HSDL1: variants seen among roughly 807,000 people sequenced by gnomAD.
The protein encoded by HSDL1 is hydroxysteroid dehydrogenase like 1, also known as inactive hydroxysteroid dehydrogenase-like protein 1.
A neutral mutation model predicts 31.5 loss-of-function variants in HSDL1; 29 were observed. The ratio of observed to expected loss-of-function variants is 0.92; its 90% CI spans 0.69 to 1.26. The LOEUF is 1.26. Among genes scored for constraint, HSDL1 ranks in the 50% most tolerant of loss-of-function variants. HSDL1 has a pLI of 0.00. For synonymous variants in HSDL1, 222 were observed against 155.2 expected (o/e 1.43, Z -3.20); for missense variants, 503 against 416.6 (o/e 1.21, Z -1.81).
At chr16:84,132,286 C>G (rs1305904709) in intron 2 of HSDL1, among the ~76,000 whole-genome samples, 1 of 152,124 alleles carries the variant, frequency 6.6e-6, no homozygotes, top group Non-Finnish European at 1.5e-5. Context: ...GGAGATGAAA[C>G]AGAGGTGGCA....
chr16:84,126,110 A>G (rs1048831347), intron 5 of HSDL1, among the ~76,000 whole-genome samples: 11 of 152,218 alleles, frequency 7.2e-5, no homozygotes, highest in African/African-American at 2.4e-4. Context: ...CTCAAAAAAA[A>G]AAAAAAAAAC....
rs147979250 is a variant in HSDL1 at position 84,130,311 on chromosome 16, G to A, written c.341C>T (p.Thr114Met). The change falls in exon 4 of 6, where the codon ACG (threonine) becomes ATG (methionine). Residue 114 changes from threonine to methionine, a missense_variant. By Grantham distance (81) the Thr-to-Met change is moderately conservative. Coordinates refer to ENST00000219439, the MANE Select transcript of HSDL1 (RefSeq NM_031463.5). ...TATAATATCAGTTTCCACTTTGTAC[G>A]TGTCGGCTATGTCTTTAGCAACAAC... ...LQVVAKDIAD[T>M]YKVETDIIVA... 6.9e-5 allele frequency: 111 copies of A among 1,614,052 alleles called. 1 individual carries two copies. The highest frequency in any genetic ancestry group is 3.3e-4 in the Middle Eastern group (2 of 6,084).
chr16:84,131,388 G>T (rs966318849), intron 2 of HSDL1, 61 bp from the exon 3 acceptor site: 40 of 1,186,276 alleles, frequency 3.4e-5, no homozygotes, highest in Non-Finnish European at 4.8e-5. Flanking sequence ...AACATACACA[G>T]TCTGAGTGAA....
At position 84,122,775 on chromosome 16, in the gene HSDL1, C is replaced by A. The variant is rs780026079; in HGVS notation, c.*1855G>T. ...ACCTAGAGAAGGTCTTGCTCTTCAT[C>A]TTTCACTGCAGCTATGGACAGCTCG... On this transcript the variant is annotated 3_prime_UTR_variant, in exon 6 of 6. Transcript: ENST00000219439. 1 of 152,248 alleles carries A rather than the reference C, an allele frequency of 6.6e-6. No homozygotes were observed. The highest frequency in any genetic ancestry group is 1.5e-5 in the Non-Finnish European group (1 of 68,050). The allele number at this position is 152,248 out of a possible 1,614,324, so 9.4% of individuals were successfully genotyped here.
intron 3 of HSDL1, 156 bp downstream of exon 3, chr16:84,130,946 T>A (rs1284088896): frequency 3.1e-6 from 2 of 650,532 alleles, no homozygotes; most frequent in Admixed American, 5.7e-5. Flanking sequence ...ATGAGAGCAG[T>A]AAGAAAATGA....
rs571194587 is a variant in HSDL1 at position 84,140,190 on chromosome 16, G to A, written c.-68-4585C>T. On this transcript the variant is annotated intron_variant, in intron 1 of 5. Transcript: ENST00000219439. The stretch of plus-strand genomic sequence containing the variant: ...AAACACTCAACTTGCTTATATCTTG[G>A]TTTCTTGGTTGTCCAAGGAGAGCAC... 2.0e-4 allele frequency among the ~76,000 whole-genome samples: 30 copies of A among 152,238 alleles called. No homozygotes were observed. The Middle Eastern group carries it at 0.01, about 52-fold the overall frequency.
At position 84,122,587 on chromosome 16, in the gene HSDL1, A is replaced by G. The variant is rs2086565114; in HGVS notation, c.*2043T>C. ...GGCTGGTCTCGACCTCCTGGGATCAAGCGATCCACCTGCCCTGGCCTTCCA... is the reference window on the plus strand; with the variant it reads ...GGCTGGTCTCGACCTCCTGGGATCAGGCGATCCACCTGCCCTGGCCTTCCA... On this transcript the variant is annotated 3_prime_UTR_variant, in exon 6 of 6. Coordinates refer to ENST00000219439, the MANE Select transcript of HSDL1 (RefSeq NM_031463.5). 1 of 152,198 alleles carries G rather than the reference A, an allele frequency of 6.6e-6. No homozygotes were observed. The highest frequency in any genetic ancestry group is 2.4e-5 in the African/African-American group (1 of 41,418). 9.4% of individuals were successfully genotyped at this position (152,198 alleles called of 1,614,324 possible).
chr16:84,139,746 C>A (rs1272119360), intron 1 of HSDL1, among the ~76,000 whole-genome samples: 1 of 152,150 alleles, frequency 6.6e-6, no homozygotes, highest in Non-Finnish European at 1.5e-5. Flanking sequence ...GCCAAAACCA[C>A]TATGTGTATT....
chr16:84,141,293 G>A (rs963252244), intron 1 of HSDL1, among the ~76,000 whole-genome samples: 7 of 151,642 alleles, frequency 4.6e-5, no homozygotes, highest in Non-Finnish European at 8.8e-5. Context: ...CAGTTCACAG[G>A]TCCCCCTGCT....
At position 84,145,124 on chromosome 16, in the gene HSDL1, G is replaced by C. The variant is rs1381972127; in HGVS notation, c.-113C>G. 1.6e-5 allele frequency: 3 copies of C among 183,216 alleles called. No individual in the cohort carries two copies. Among genetic ancestry groups the C allele is most frequent in the Non-Finnish European group, 3.3e-5 (3 of 89,652 alleles). 11.3% of individuals were successfully genotyped at this position (183,216 alleles called of 1,614,324 possible). ...TCCAAACCGGTCCCGCCAGACCCGC[G>C]CGGCCGCCGCCCCCGTCTCGGCCGC... is the stretch of plus-strand genomic sequence containing the variant. On this transcript the variant is annotated 5_prime_UTR_variant, in exon 1 of 6. Transcript: ENST00000219439.
Position 84,127,511 on chromosome 16 carries a change from G to A in HSDL1, c.894+2037C>T, listed in dbSNP as rs550445149. Among the ~76,000 whole-genome samples, 9 of 151,716 alleles carry A rather than the reference G, an allele frequency of 5.9e-5. No individual in the cohort carries two copies. In the South Asian group the frequency reaches 1.0e-3, roughly 18 times the overall value. On this transcript the variant is annotated intron_variant, in intron 5 of 5. Coordinates refer to ENST00000219439, the MANE Select transcript of HSDL1 (RefSeq NM_031463.5). ...GATTAGAGATGTGAGCCACCACCAC[G>A]CCCGACCAAAACTGCTTCTTATTAA...
At chr16:84,135,953 C>A (rs1289202106) in intron 1 of HSDL1, among the ~76,000 whole-genome samples, 2 of 152,222 alleles carry the variant, frequency 1.3e-5, no homozygotes, top group African/African-American at 4.8e-5. Context: ...GCCCAGGCAC[C>A]AGGCCGGCAT....
chr16:84,136,738 C>A (rs887712028), intron 1 of HSDL1, among the ~76,000 whole-genome samples: 6 of 152,180 alleles, frequency 3.9e-5, no homozygotes, highest in East Asian at 3.8e-4. Context: ...GGAGCGCCAT[C>A]GTGTGCAAGT....
intron 1 of HSDL1, among the ~76,000 whole-genome samples, chr16:84,136,158 G>A (rs980575530): frequency 6.6e-6 from 1 of 152,174 alleles, no homozygotes; most frequent in Non-Finnish European, 1.5e-5. Context: ...ATTCTGGCTC[G>A]CCCACCTTAG....
intron 1 of HSDL1, among the ~76,000 whole-genome samples, chr16:84,138,458 T>C (rs914772043): frequency 6.6e-6 from 1 of 152,166 alleles, no homozygotes; most frequent in African/African-American, 2.4e-5. Flanking sequence ...AGAGGGTAGA[T>C]CTCAAGTGTT....
chr16:84,135,146 T>C (rs140604422), intron 2 of HSDL1, among the ~76,000 whole-genome samples: 6,054 of 150,290 alleles, frequency 0.04, 197 homozygotes, highest in African/African-American at 0.087. Context: ...GGCAGGAGAA[T>C]GGCATGAACC....
chr16:84,123,983 T>C lies in HSDL1; in HGVS notation c.*647A>G, dbSNP rs1417773293. ...TAATCTAGATTGTTTTAATACCCTA[T>C]AAGAGTCCATGTTAAGTCACCCTGA... On this transcript the variant is annotated 3_prime_UTR_variant, in exon 6 of 6. Transcript: ENST00000219439. 6.6e-6 allele frequency: 1 copy of C among 152,420 alleles called. No individual in the cohort carries two copies. 9.4% of individuals were successfully genotyped at this position (152,420 alleles called of 1,614,324 possible).
At chr16:84,133,423 G>A (rs1294276321) in intron 2 of HSDL1, among the ~76,000 whole-genome samples, 1 of 152,170 alleles carries the variant, frequency 6.6e-6, no homozygotes, top group African/African-American at 2.4e-5. Flanking sequence ...ACCAAATTAA[G>A]CCAATGTGGC....
At chr16:84,134,081 T>C (rs542830437) in intron 2 of HSDL1, among the ~76,000 whole-genome samples, 20 of 151,834 alleles carry the variant, frequency 1.3e-4, no homozygotes, top group African/African-American at 4.8e-4. Context: ...AATCCTTTGA[T>C]TGACAATCCT....
Sources: gnomAD v4.1 joint callset for allele counts (sites outside exome capture counted in the v4.1 genomes callset) on GRCh38, gnomAD v4.1.1 for gene constraint, MANE v1.5 for transcripts, NCBI Gene and HGNC (gene_info 2026-07-23, HGNC 2026-07-21) for gene names.